Variants in ZFAND3 observed in about 807,000 individuals in gnomAD.
ZFAND3 encodes zinc finger AN1-type containing 3.
ZFAND3 carries 10 observed loss-of-function variants against 29.6 expected under a neutral mutation model. The ratio of observed to expected loss-of-function variants is 0.34; its 90% confidence interval spans 0.21 to 0.57. The LOEUF is 0.57. Ranked by LOEUF, ZFAND3 falls within the 20% of genes least tolerant of loss-of-function variation. The pLI is 0.86. For missense variants in ZFAND3, 230 were observed against 304.5 expected, an observed-to-expected ratio of 0.76 and a Z score of 1.82; for synonymous variants, 128 against 112.6, an observed-to-expected ratio of 1.14 and a Z score of -0.87.
chr6:38,041,647 T>C (rs1278555472), intron 2 of ZFAND3, among the ~76,000 whole-genome samples: 2 of 18,484 alleles, frequency 1.1e-4, no homozygotes, highest in African/African-American at 3.9e-4. Flanking sequence ...CTTCTTCTTC[T>C]TCTTCTTCTT....
intron 2 of ZFAND3, among the ~76,000 whole-genome samples, chr6:38,012,270 T>C (rs779659427): frequency 6.6e-6 from 1 of 152,114 alleles, no homozygotes; most frequent in Non-Finnish European, 1.5e-5. Context: ...ATTTTGTATA[T>C]ACTAACAAAT....
chr6:38,140,302 A>G (rs903242214), intron 5 of ZFAND3, among the ~76,000 whole-genome samples: 2 of 152,140 alleles, frequency 1.3e-5, no homozygotes, highest in African/African-American at 4.8e-5. Flanking sequence ...GATTAAGACA[A>G]AAAGAAGGTC....
chr6:38,065,789 A>T (rs1295349722), intron 3 of ZFAND3, among the ~76,000 whole-genome samples: 1 of 152,232 alleles, frequency 6.6e-6, no homozygotes, highest in African/African-American at 2.4e-5. Context: ...GTAAACTGAC[A>T]AAGAGGCACT....
chr6:37,960,981 G>A (rs1257970118), intron 2 of ZFAND3, among the ~76,000 whole-genome samples: 1 of 152,168 alleles, frequency 6.6e-6, no homozygotes, highest in East Asian at 1.9e-4. Context: ...AGGCTGAGGT[G>A]AGGGTGTTGC....
chr6:37,966,613 A>G (rs1762297412), intron 2 of ZFAND3, among the ~76,000 whole-genome samples: 1 of 152,034 alleles, frequency 6.6e-6, no homozygotes, highest in South Asian at 2.1e-4. Flanking sequence ...AAAAAAAAAA[A>G]TCACCATAAC....
intron 1 of ZFAND3, among the ~76,000 whole-genome samples, chr6:37,928,180 C>A (rs1299831473): frequency 6.6e-6 from 1 of 152,176 alleles, no homozygotes; most frequent in Non-Finnish European, 1.5e-5. Flanking sequence ...CCCTTTCCCC[C>A]ATCTTGTGAC....
chr6:38,091,262 T>G (rs1488177411), intron 4 of ZFAND3, among the ~76,000 whole-genome samples: 1 of 152,160 alleles, frequency 6.6e-6, no homozygotes, highest in African/African-American at 2.4e-5. Context: ...ACAAAGTCAG[T>G]TTGCATCAGT....
At chr6:37,892,712 A>G (rs539733589) in intron 1 of ZFAND3, among the ~76,000 whole-genome samples, 1 of 152,218 alleles carries the variant, frequency 6.6e-6, no homozygotes, top group South Asian at 2.1e-4. Context: ...ACATTTATAT[A>G]GATTGAACAA....
At chr6:37,973,593 G>T (rs903732420) in intron 2 of ZFAND3, among the ~76,000 whole-genome samples, 9 of 152,140 alleles carry the variant, frequency 5.9e-5, no homozygotes, top group African/African-American at 1.9e-4. Flanking sequence ...TTTAATTGTA[G>T]TTAATTTAAA....
intron 1 of ZFAND3, among the ~76,000 whole-genome samples, chr6:37,886,940 G>C (rs1348486325): frequency 6.6e-6 from 1 of 152,206 alleles, no homozygotes; most frequent in African/African-American, 2.4e-5. Context: ...GGAGGCAGAG[G>C]CTGCAGTGAG....
intron 2 of ZFAND3, among the ~76,000 whole-genome samples, chr6:37,987,556 G>C (rs1319690321): frequency 6.6e-6 from 1 of 152,178 alleles, no homozygotes; most frequent in Non-Finnish European, 1.5e-5. Flanking sequence ...TGAAGTGATT[G>C]TACCCTTTCA....
At chr6:38,012,058 T>A (rs1763163041) in intron 2 of ZFAND3, among the ~76,000 whole-genome samples, 1 of 152,184 alleles carries the variant, frequency 6.6e-6, no homozygotes, top group Non-Finnish European at 1.5e-5. Context: ...TTGAGATGTT[T>A]AGCACACACT....
chr6:38,125,365 T>C (rs1283502635), intron 5 of ZFAND3, among the ~76,000 whole-genome samples: 1 of 152,196 alleles, frequency 6.6e-6, no homozygotes, highest in Non-Finnish European at 1.5e-5. Context: ...AGCCCATTAG[T>C]GCAGGACTGT....
chr6:38,121,125 G>A (rs1370966711), intron 5 of ZFAND3, among the ~76,000 whole-genome samples: 1 of 152,198 alleles, frequency 6.6e-6, no homozygotes, highest in Non-Finnish European at 1.5e-5. Flanking sequence ...AGGCCAAGGT[G>A]GGGGAATCCC....
At chr6:38,039,790 A>T (rs1763725963) in intron 2 of ZFAND3, among the ~76,000 whole-genome samples, 1 of 152,170 alleles carries the variant, frequency 6.6e-6, no homozygotes, top group African/African-American at 2.4e-5. Context: ...ATACTTAAAA[A>T]TTTTTATATG....
chr6:38,103,412 C>G (rs1197231177), intron 4 of ZFAND3, among the ~76,000 whole-genome samples: 1 of 146,924 alleles, frequency 6.8e-6, no homozygotes, highest in South Asian at 2.1e-4. Flanking sequence ...TACACACACA[C>G]GTATATACAC....
chr6:37,922,536 G>A (rs1033347836), intron 1 of ZFAND3, among the ~76,000 whole-genome samples: 3 of 152,110 alleles, frequency 2.0e-5, no homozygotes, highest in Non-Finnish European at 2.9e-5. Flanking sequence ...GCTTCATGAC[G>A]GGGACATATT....
At chr6:38,036,362 C>CA (rs1763656603) in intron 2 of ZFAND3, among the ~76,000 whole-genome samples, 1 of 152,182 alleles carries the variant, frequency 6.6e-6, no homozygotes, top group Admixed American at 6.5e-5. Flanking sequence ...AGCCACTAAA[C>CA]AAACAACAAG....
chr6:38,017,235 A>G (rs1258216850), intron 2 of ZFAND3, among the ~76,000 whole-genome samples: 2 of 152,202 alleles, frequency 1.3e-5, no homozygotes, highest in African/African-American at 4.8e-5. Flanking sequence ...TGAATTGATC[A>G]TGTGTGGAAA....
Sources: gnomAD v4.1 joint callset for allele counts (sites outside exome capture counted in the v4.1 genomes callset) on GRCh38, gnomAD v4.1.1 for gene constraint, MANE v1.5 for transcripts, NCBI Gene and HGNC (gene_info 2026-07-23, HGNC 2026-07-21) for gene names.